The following SPON1 variants were observed in gnomAD, a reference collection of about 807,000 sequenced individuals.
SPON1 encodes the protein spondin 1, also known as spondin-1.
A neutral mutation model predicts 111.7 loss-of-function variants in SPON1; 52 were observed. That is an observed-to-expected ratio of 0.47 (90% CI 0.37 to 0.59). SPON1 has a LOEUF of 0.59. Among genes scored for constraint, SPON1 ranks in the 20% least tolerant of loss-of-function variants. The probability of loss-of-function intolerance (pLI) is 0.00; values close to 1 mark genes in which losing one functional copy is unlikely to be tolerated. For missense variants in SPON1, 957 were observed against 1,068.5 expected (o/e 0.90, Z 1.46); for synonymous variants, 410 against 395.8 (o/e 1.04, Z -0.43).
At chr11:14,112,578 G>A (rs1046605808) in intron 5 of SPON1, among the ~76,000 whole-genome samples, 4 of 152,200 alleles carry the variant, frequency 2.6e-5, no homozygotes, top group Non-Finnish European at 2.9e-5. Context: ...TCAGAAGAGC[G>A]CCTAGCATAT....
chr11:14,050,446 C>A (rs567627966), intron 3 of SPON1, among the ~76,000 whole-genome samples: 1 of 152,156 alleles, frequency 6.6e-6, no homozygotes, highest in Non-Finnish European at 1.5e-5. Flanking sequence ...AGTAGCAGAA[C>A]TTAAAAGTTG....
chr11:14,147,053 G>A (rs1191889010), intron 6 of SPON1, among the ~76,000 whole-genome samples: 4 of 103,562 alleles, frequency 3.9e-5, no homozygotes, highest in African/African-American at 1.1e-4. Flanking sequence ...TTTTTGAGAC[G>A]GAGTCTTGCT....
intron 3 of SPON1, among the ~76,000 whole-genome samples, chr11:14,059,889 G>A (rs1848777377): frequency 6.6e-6 from 1 of 152,176 alleles, no homozygotes; most frequent in Non-Finnish European, 1.5e-5. Context: ...TTGTCAAGAA[G>A]GTCCTTGACT....
In SPON1 at chr11:13,962,846, C is replaced by T; in HGVS notation, c.-59C>T. On this transcript the variant is annotated 5_prime_UTR_variant, in exon 1 of 16. Transcript: ENST00000576479. ...GGTCGCGCCTTCGTCGGGACCACTT[C>T]GGGCAGGAGTCGCGTGGCGAAGGCC... 2 of 1,383,072 alleles carry T rather than the reference C, an allele frequency of 1.4e-6. No individual in the cohort carries two copies. Among genetic ancestry groups the T allele is most frequent in the Non-Finnish European group, 1.9e-6 (2 of 1,067,486 alleles). 85.7% of individuals were successfully genotyped at this position (1,383,072 alleles called of 1,614,324 possible).
At chr11:13,991,398 T>G (rs575131252) in intron 2 of SPON1, among the ~76,000 whole-genome samples, 6 of 152,298 alleles carry the variant, frequency 3.9e-5, no homozygotes, top group African/African-American at 1.4e-4. Context: ...CTTCAGGAAG[T>G]TCTCGTACTG....
chr11:14,007,661 G>A (rs1848372603), intron 2 of SPON1, among the ~76,000 whole-genome samples: 3 of 152,104 alleles, frequency 2.0e-5, no homozygotes, highest in Non-Finnish European at 4.4e-5. Context: ...CAATCAAGTT[G>A]ACACTCAGTA....
chr11:14,265,858 T>C lies in SPON1; in HGVS notation c.*171T>C, dbSNP rs1456678435. ...GACATCCTTTCTGAATACTTCTTGA[T>C]GGGTACAGGCTGAGTGGGGCGCCCT... is the stretch of plus-strand genomic sequence containing the variant. On this transcript the variant is annotated 3_prime_UTR_variant, in exon 16 of 16. Coordinates refer to ENST00000576479, the MANE Select transcript of SPON1 (RefSeq NM_006108.4). 1.3e-6 allele frequency: 1 copy of C among 765,294 alleles called. No individual in the cohort carries two copies. The highest frequency in any genetic ancestry group is 2.0e-6 in the Non-Finnish European group (1 of 490,700). The allele number at this position is 765,294 out of a possible 1,614,324, so 47.4% of individuals were successfully genotyped here.
intron 5 of SPON1, among the ~76,000 whole-genome samples, chr11:14,129,430 A>G (rs1847501630): frequency 6.6e-6 from 1 of 152,196 alleles, no homozygotes; most frequent in African/African-American, 2.4e-5. Context: ...TCCCTTTGCT[A>G]AAGTGTAGCA....
At chr11:14,123,867 T>A (rs549054293) in intron 5 of SPON1, among the ~76,000 whole-genome samples, 1 of 152,332 alleles carries the variant, frequency 6.6e-6, no homozygotes, top group Admixed American at 6.5e-5. Context: ...CTCTTGTGTT[T>A]CCCTTCTGTC....
intron 5 of SPON1, among the ~76,000 whole-genome samples, chr11:14,095,690 A>T (rs187770389): frequency 6.6e-6 from 1 of 152,270 alleles, no homozygotes; most frequent in African/African-American, 2.4e-5. Flanking sequence ...TCCTCTGCAT[A>T]TTGTTCTATT....
At chr11:13,988,217 C>T (rs1368443295) in intron 2 of SPON1, among the ~76,000 whole-genome samples, 1 of 152,160 alleles carries the variant, frequency 6.6e-6, no homozygotes, top group Non-Finnish European at 1.5e-5. Context: ...TTTGTGTCCT[C>T]TCTTTTGTCC....
intron 3 of SPON1, among the ~76,000 whole-genome samples, chr11:14,049,941 G>T (rs1354010157): frequency 6.6e-6 from 1 of 152,066 alleles, no homozygotes; most frequent in Non-Finnish European, 1.5e-5. Context: ...AACATATCTG[G>T]CCTCAGGTCT....
chr11:14,168,557 G>T (rs1329021599), intron 6 of SPON1, among the ~76,000 whole-genome samples: 2 of 151,880 alleles, frequency 1.3e-5, no homozygotes, highest in Admixed American at 6.6e-5. Flanking sequence ...CAACGTGCAG[G>T]TTTGTTACCT....
intron 3 of SPON1, among the ~76,000 whole-genome samples, chr11:14,072,868 T>C (rs1383250210): frequency 6.6e-5 from 10 of 152,134 alleles, no homozygotes; most frequent in Non-Finnish European, 1.3e-4. Flanking sequence ...TTCAAAGATA[T>C]CTCATTAAAC....
At chr11:14,027,835 C>A (rs1372132136) in intron 2 of SPON1, among the ~76,000 whole-genome samples, 1 of 152,180 alleles carries the variant, frequency 6.6e-6, no homozygotes, top group Non-Finnish European at 1.5e-5. Flanking sequence ...TTATACTGTT[C>A]TCTGGCAATA....
chr11:14,250,460 TC>T (rs1849041487), intron 7 of SPON1, among the ~76,000 whole-genome samples: 1 of 152,070 alleles, frequency 6.6e-6, no homozygotes, highest in African/African-American at 2.4e-5. Context: ...GCACAATCTT[TC>T]CTTTCCCCCT....
At chr11:13,978,827 T>C (rs1230155208) in intron 1 of SPON1, among the ~76,000 whole-genome samples, 1 of 152,142 alleles carries the variant, frequency 6.6e-6, no homozygotes, top group Non-Finnish European at 1.5e-5. Context: ...AGGAAACTTC[T>C]AGAGAGTGAA....
chr11:14,178,357 G>C (rs1455956800), intron 6 of SPON1, among the ~76,000 whole-genome samples: 1 of 150,918 alleles, frequency 6.6e-6, no homozygotes, highest in Admixed American at 6.6e-5. Context: ...AGGAGGCAGA[G>C]CTTGCAGTGA....
At chr11:14,171,578 G>C (rs1554932470) in intron 6 of SPON1, among the ~76,000 whole-genome samples, 1 of 152,072 alleles carries the variant, frequency 6.6e-6, no homozygotes, top group African/African-American at 2.4e-5. Flanking sequence ...TTTTAATTGT[G>C]ATGTTAGAGT....
Sources: allele counts gnomAD v4.1 joint callset (sites outside exome capture counted in the v4.1 genomes callset), GRCh38; gene constraint gnomAD v4.1.1; transcripts MANE v1.5; gene names NCBI Gene and HGNC (gene_info 2026-07-23, HGNC 2026-07-21).